Variants in ANKRD16 observed in about 807,000 individuals in gnomAD.
ANKRD16 encodes ankyrin repeat domain-containing protein 16.
A neutral mutation model predicts 37.9 loss-of-function variants in ANKRD16; 35 were observed. That is an observed-to-expected ratio of 0.92 (90% CI 0.71 to 1.23). ANKRD16 has a LOEUF of 1.23. ANKRD16 is among the 50% of genes most tolerant of loss of function. The pLI is 0.00. For synonymous variants in ANKRD16, 206 were observed against 197.2 expected (o/e 1.04, Z -0.37); for missense variants, 480 against 469.9 (o/e 1.02, Z -0.20).
rs922493327 is a variant in ANKRD16, at chr10:5,871,085, C to A, written c.*33+7012G>T. ...CCTCACTCCCATCTTGTTTCCTTCTCAGTAAAAATCATGTCACGCAGCCAG... is the reference window on the plus strand; with the variant it reads ...CCTCACTCCCATCTTGTTTCCTTCTAAGTAAAAATCATGTCACGCAGCCAG... On this transcript the variant is annotated intron_variant, in intron 7 of 7. Coordinates refer to ENST00000380094, the MANE Select transcript of ANKRD16 (RefSeq NM_019046.3). This position sits in a 1 kb window ranked among gnomAD's most constrained non-coding sequence, Gnocchi z 4.5. 2.0e-5 allele frequency among the ~76,000 whole-genome samples: 3 copies of A among 152,088 alleles called. No individual in the cohort carries two copies. The highest frequency in any genetic ancestry group is 4.4e-5 in the Non-Finnish European group (3 of 68,012).
chr10:5,886,896 G>A (rs996568249), intron 2 of ANKRD16, among the ~76,000 whole-genome samples: 1 of 152,102 alleles, frequency 6.6e-6, no homozygotes, highest in Admixed American at 6.5e-5. Context: ...AATAAAAACT[G>A]TAACCCAAAT....
intron 7 of ANKRD16, among the ~76,000 whole-genome samples, chr10:5,877,010 C>T (rs542246562): frequency 3.9e-5 from 6 of 152,262 alleles, no homozygotes; most frequent in East Asian, 1.9e-4. Flanking sequence ...CACAGGCTTC[C>T]GTGGGTGGAT....
In ANKRD16 at chr10:5,883,040, G is replaced by A; in HGVS notation, c.815C>T (p.Ser272Leu). ...ATAATGAAGTGCTGTGAGGTGGGTTGATGTGGCTCTCACATCTACATCGAC... is the reference window on the plus strand; with the variant it reads ...ATAATGAAGTGCTGTGAGGTGGGTTAATGTGGCTCTCACATCTACATCGAC... ...LGVDVDVRAT[S>L]THLTALHYAA... Residue 272 changes from serine (S) to leucine (L), a missense_variant, in exon 5 of 8, where the codon TCA (serine) becomes TTA (leucine). Physicochemically the swap from Ser to Leu is moderately radical, Grantham distance 145. Coordinates refer to ENST00000380094, the MANE Select transcript of ANKRD16 (RefSeq NM_019046.3). 4 of 1,614,010 alleles carry A rather than the reference G, an allele frequency of 2.5e-6. No individual in the cohort carries two copies. The highest frequency in any genetic ancestry group is 3.4e-6 in the Non-Finnish European group (4 of 1,180,048).
At chr10:5,885,304 C>T (rs1353491453) in intron 3 of ANKRD16, among the ~76,000 whole-genome samples, 4 of 152,132 alleles carry the variant, frequency 2.6e-5, no homozygotes, top group East Asian at 3.8e-4. Flanking sequence ...CCTCAGCTTC[C>T]TGAGTAGCTG....
Position 5,887,946 on chromosome 10 carries a change from G to C in ANKRD16, c.436C>G (p.Arg146Gly), listed in dbSNP as rs752666503. 5.6e-6 allele frequency: 9 copies of C among 1,614,022 alleles called. No individual in the cohort carries two copies. Among genetic ancestry groups the C allele is most frequent in the African/African-American group, 1.3e-5 (1 of 74,922 alleles). Reference sequence around the variant, plus strand: ...TGGAGGATCAGAGGGTCGCCTTCTCGACTGGCAATGTGGAAACTGTTCCAG... The same window carrying C: ...TGGAGGATCAGAGGGTCGCCTTCTCCACTGGCAATGTGGAAACTGTTCCAG... ...DGWNSFHIASREGDPLILQYL... is the reference protein window; with the variant it reads ...DGWNSFHIASGEGDPLILQYL... The change falls in exon 2 of 8, where the codon CGA (arginine) becomes GGA (glycine). Residue 146 changes from arginine (R) to glycine (G), a missense_variant. Transcript: ENST00000380094.
At position 5,889,094 on chromosome 10, in the gene ANKRD16, C is replaced by T; in HGVS notation, c.261G>A (p.Val87=). The T allele has an allele frequency of 3.2e-6, 5 of 1,585,822 alleles. No individual in the cohort carries two copies. Among genetic ancestry groups the T allele is most frequent in the Non-Finnish European group, 3.4e-6 (4 of 1,172,966 alleles). The part of the protein sequence containing the change: ...EAASMGHRDC[V]RYLLGRGAAV... The stretch of plus-strand genomic sequence containing the variant: ...CTGCCCCCCGGCCCAGCAGGTAGCG[C>T]ACGCAGTCTCGGTGGCCCATGGAGG... Residue 87 remains valine (V), a synonymous_variant, in exon 1 of 8, where the codon GTG becomes GTA. Transcript: ENST00000380094.
chr10:5,889,299 A>C lies in ANKRD16; in HGVS notation c.56T>G (p.Leu19Arg). 7.2e-7 allele frequency: 1 copy of C among 1,385,796 alleles called. No homozygotes were observed. Among genetic ancestry groups the C allele is most frequent in the Admixed American group, 3.3e-5 (1 of 29,958 alleles). 85.8% of individuals were successfully genotyped at this position (1,385,796 alleles called of 1,614,324 possible). The change falls in exon 1 of 8, where the codon CTG becomes CGG. Residue 19 changes from leucine (L) to arginine (R), a missense_variant. Transcript: ENST00000380094. ...CTGCAGCTCCTCCTTCAGGGCGCGCAGCCGGCCCTCCTGCACCAGCCTGCA... is the reference window on the plus strand; with the variant it reads ...CTGCAGCTCCTCCTTCAGGGCGCGCCGCCGGCCCTCCTGCACCAGCCTGCA... ...RLCRLVQEGR[L>R]RALKEELQAA...
At chr10:5,877,222 C>T (rs56213022) in intron 7 of ANKRD16, among the ~76,000 whole-genome samples, 5,421 of 152,246 alleles carry the variant, frequency 0.036, 185 homozygotes, top group East Asian at 0.15. Context: ...AGGCAATTCT[C>T]GGGCCTCAGC....
intron 5 of ANKRD16, among the ~76,000 whole-genome samples, chr10:5,881,457 T>TAC (rs1564417948): frequency 1.2e-4 from 15 of 124,394 alleles, no homozygotes; most frequent in African/African-American, 4.7e-4. Context: ...TATATATATA[T>TAC]ATATATATAT....
intron 7 of ANKRD16, among the ~76,000 whole-genome samples, chr10:5,876,678 G>C (rs1842190846): frequency 6.6e-6 from 1 of 152,198 alleles, no homozygotes; most frequent in Non-Finnish European, 1.5e-5. Flanking sequence ...GAATAATTAA[G>C]ACGAACGGGA....
rs1842232349 is a variant in ANKRD16 at position 5,878,909 on chromosome 10, A to C, written c.929-622T>G. 6.6e-6 allele frequency among the ~76,000 whole-genome samples: 1 copy of C among 152,254 alleles called. No homozygotes were observed. The stretch of plus-strand genomic sequence containing the variant: ...TCTGGAAACACACTTTAAATGGTAC[A>C]AAAAACTTTCTAAAAGGCTTATTGA... On this transcript the variant is annotated intron_variant, in intron 6 of 7. Coordinates refer to ENST00000380094, the MANE Select transcript of ANKRD16 (RefSeq NM_019046.3). The surrounding 1 kb of genome is among the most constrained non-coding windows in gnomAD (Gnocchi z 5.1).
Position 5,866,298 on chromosome 10 carries a change from G to A in ANKRD16, c.*34-3607C>T, listed in dbSNP as rs1166688766. Reference sequence around the variant, plus strand: ...AGTCCAGACTTATGCTGCCCGAGATGAATTCTTAGAAGTCCCCTTAGTTAA... The same window carrying A: ...AGTCCAGACTTATGCTGCCCGAGATAAATTCTTAGAAGTCCCCTTAGTTAA... On this transcript the variant is annotated intron_variant, in intron 7 of 7. Coordinates refer to ENST00000380094, the MANE Select transcript of ANKRD16 (RefSeq NM_019046.3). This position sits in a 1 kb window ranked among gnomAD's most constrained non-coding sequence, Gnocchi z 4.3. Among the ~76,000 whole-genome samples the A allele has an allele frequency of 2.0e-5, 3 of 152,198 alleles. No homozygotes were observed. The highest frequency in any genetic ancestry group is 7.2e-5 in the African/African-American group (3 of 41,456).
intron 4 of ANKRD16, among the ~76,000 whole-genome samples, chr10:5,883,624 T>G (rs1842358147): frequency 6.6e-6 from 1 of 152,190 alleles, no homozygotes; most frequent in African/African-American, 2.4e-5. Context: ...ATCAAAAAGA[T>G]GGTTATGATT....
At chr10:5,867,005 A>C (rs1842025179) in intron 7 of ANKRD16, among the ~76,000 whole-genome samples, 1 of 152,216 alleles carries the variant, frequency 6.6e-6, no homozygotes, top group African/African-American at 2.4e-5. Flanking sequence ...AGAAAGAAAG[A>C]GAGATGGAAA....
chr10:5,875,161 T>G (rs913048867), intron 7 of ANKRD16, among the ~76,000 whole-genome samples: 38 of 152,158 alleles, frequency 2.5e-4, no homozygotes, highest in African/African-American at 8.9e-4. Flanking sequence ...AGACTCTTCA[T>G]GAAAGTGTGT....
At position 5,870,180 on chromosome 10, in the gene ANKRD16, T is replaced by C. The variant is rs12777477; in HGVS notation, c.*34-7489A>G. 0.33 allele frequency among the ~76,000 whole-genome samples: 49,402 copies of C among 151,730 alleles called. 8,745 individuals carry two copies. The highest frequency in any genetic ancestry group is 0.39 in the Non-Finnish European group (26,719 of 67,874). ...TCCACATCCCTCTCCACTGCTTCAT[T>C]TGCAAGCTCCAGGTTCTGCCTTCCC... On this transcript the variant is annotated intron_variant, in intron 7 of 7. Transcript: ENST00000380094. The surrounding 1 kb of genome is among the most constrained non-coding windows in gnomAD (Gnocchi z 5.0).
Position 5,889,073 on chromosome 10 carries a change from C to G in ANKRD16, c.282G>C (p.Gly94=), listed in dbSNP as rs766122403. 6.4e-7 allele frequency: 1 copy of G among 1,562,060 alleles called. No individual in the cohort carries two copies. Among genetic ancestry groups the G allele is most frequent in the Admixed American group, 1.9e-5 (1 of 53,068 alleles). ...CCTTCTTCAGGCAGTCGACCGCTGCCCCCCGGCCCAGCAGGTAGCGCACGC... is the reference window on the plus strand; with the variant it reads ...CCTTCTTCAGGCAGTCGACCGCTGCGCCCCGGCCCAGCAGGTAGCGCACGC... ...RDCVRYLLGR[G]AAVDCLKKAD... The change falls in exon 1 of 8, where the codon GGG becomes GGC. Residue 94 remains glycine (G), a synonymous_variant. Transcript: ENST00000380094.
At chr10:5,885,131 T>G (rs1842397384) in intron 3 of ANKRD16, among the ~76,000 whole-genome samples, 2 of 152,170 alleles carry the variant, frequency 1.3e-5, no homozygotes, top group South Asian at 4.1e-4. Flanking sequence ...AAACTACATG[T>G]GTCTTCTTTC....
rs989366954 is a variant in ANKRD16, at chr10:5,889,433, G to A, written c.-79C>T. The A allele has an allele frequency of 3.8e-6, 4 of 1,053,444 alleles. No individual in the cohort carries two copies. The highest frequency in any genetic ancestry group is 9.4e-5 in the South Asian group (2 of 21,188). The allele number at this position is 1,053,444 out of a possible 1,614,324, so 65.3% of individuals were successfully genotyped here. Reference sequence around the variant, plus strand: ...CCGGGCAGGGAGAAGCCGAGGGCGAGTGGGACTTTCCGCCTCTTCACGCAA... The same window carrying A: ...CCGGGCAGGGAGAAGCCGAGGGCGAATGGGACTTTCCGCCTCTTCACGCAA... On this transcript the variant is annotated 5_prime_UTR_variant, in exon 1 of 8. Coordinates refer to ENST00000380094, the MANE Select transcript of ANKRD16 (RefSeq NM_019046.3).
Sources: gnomAD v4.1 joint callset for allele counts (sites outside exome capture counted in the v4.1 genomes callset) on GRCh38, gnomAD v4.1.1 for gene constraint, Gnocchi (gnomAD v3.1) non-coding constraint, MANE v1.5 for transcripts, NCBI Gene and HGNC (gene_info 2026-07-23, HGNC 2026-07-21) for gene names.